RAPGEF2: variants seen among roughly 807,000 people sequenced by gnomAD.
The protein encoded by RAPGEF2 is Rap guanine nucleotide exchange factor 2, also known as PDZ domain containing guanine nucleotide exchange factor (GEF) 1.
In RAPGEF2, 54 loss-of-function variants were observed where a neutral mutation model predicts 186.7. That is an observed-to-expected ratio of 0.29 (90% CI 0.23 to 0.36). The LOEUF is 0.36. Among genes scored for constraint, RAPGEF2 ranks in the 10% least tolerant of loss-of-function variants. The pLI is 1.00. For synonymous variants in RAPGEF2, 712 were observed against 705.9 expected, an observed-to-expected ratio of 1.01 and a Z score of -0.14; for missense variants, 1,532 against 2,045.0, an observed-to-expected ratio of 0.75 and a Z score of 4.84.
intron 7 of RAPGEF2, among the ~76,000 whole-genome samples, chr4:159,249,265 G>C (rs1158503256): frequency 1.4e-5 from 2 of 145,782 alleles, no homozygotes; most frequent in Non-Finnish European, 3.0e-5. Flanking sequence ...AGAGCTACAT[G>C]CTGATTTTAA....
At chr4:159,277,518 T>C (rs1195989640) in intron 7 of RAPGEF2, among the ~76,000 whole-genome samples, 1 of 152,214 alleles carries the variant, frequency 6.6e-6, no homozygotes, top group Admixed American at 6.5e-5. Context: ...TCCACAATGG[T>C]TGAACTAGTT....
rs554261665 is a variant in RAPGEF2 at position 159,174,882 on chromosome 4, C to T, written c.70-11760C>T. Among the ~76,000 whole-genome samples the T allele has an allele frequency of 2.6e-5, 4 of 152,062 alleles. No individual in the cohort carries two copies. The South Asian group carries it at 8.3e-4, about 32-fold the overall frequency. On this transcript the variant is annotated intron_variant, in intron 1 of 29. Transcript: ENST00000691494. ...AGTGATTCTCCTACCTCAGCTTCTCCAGTAACTGGGACCACAGGTGCTCGT... is the reference window on the plus strand; with the variant it reads ...AGTGATTCTCCTACCTCAGCTTCTCTAGTAACTGGGACCACAGGTGCTCGT...
chr4:159,146,347 A>C (rs1242243889), intron 1 of RAPGEF2, among the ~76,000 whole-genome samples: 1 of 151,418 alleles, frequency 6.6e-6, no homozygotes, highest in Non-Finnish European at 1.5e-5. Flanking sequence ...TTTAAAAAGC[A>C]TGTAAGCTTT....
At chr4:159,154,519 T>TAAA (rs60579601) in intron 1 of RAPGEF2, among the ~76,000 whole-genome samples, 11 of 148,384 alleles carry the variant, frequency 7.4e-5, no homozygotes, top group Non-Finnish European at 1.5e-4. Flanking sequence ...TTTTTTTTTT[T>TAAA]AAAAAAAACA....
intron 1 of RAPGEF2, among the ~76,000 whole-genome samples, chr4:159,165,180 T>C (rs945830157): frequency 5.9e-5 from 9 of 152,208 alleles, no homozygotes; most frequent in African/African-American, 4.8e-5. Flanking sequence ...TCCAGCTGTT[T>C]TGTTGAACTG....
intron 11 of RAPGEF2, among the ~76,000 whole-genome samples, chr4:159,325,996 G>T (rs934636335): frequency 1.3e-5 from 2 of 152,050 alleles, no homozygotes; most frequent in Non-Finnish European, 2.9e-5. Context: ...TCAAGGGTGA[G>T]GTACCTGCTA....
In RAPGEF2 at chr4:159,120,162, G is replaced by A. The variant is rs539543732; in HGVS notation, c.69+15931G>A. 2.0e-5 allele frequency among the ~76,000 whole-genome samples: 3 copies of A among 152,284 alleles called. No homozygotes were observed. The East Asian group carries it at 5.8e-4, about 29-fold the overall frequency. The stretch of plus-strand genomic sequence containing the variant: ...AGCCTCCTGAGTAGCTGGGATTACA[G>A]GTGTATGCCACCACACCTGGCTAAT... On this transcript the variant is annotated intron_variant, in intron 1 of 29. Coordinates refer to ENST00000691494, the MANE Select transcript of RAPGEF2 (RefSeq NM_001394067.2).
At chr4:159,283,674 G>A (rs1362482675) in intron 7 of RAPGEF2, among the ~76,000 whole-genome samples, 2 of 151,932 alleles carry the variant, frequency 1.3e-5, no homozygotes, top group African/African-American at 2.4e-5. Context: ...CAAGAAGAAA[G>A]CAAATAAGTT....
intron 25 of RAPGEF2, 83 bp from the exon 26 acceptor site, chr4:159,350,054 C>A: frequency 1.1e-6 from 1 of 916,378 alleles, no homozygotes; most frequent in Non-Finnish European, 1.6e-6. Flanking sequence ...TAAATCTTAA[C>A]ACAAAAAAGT....
intron 1 of RAPGEF2, among the ~76,000 whole-genome samples, chr4:159,174,753 T>C (rs1746279423): frequency 8.7e-6 from 1 of 114,840 alleles, no homozygotes; most frequent in Non-Finnish European, 1.7e-5. Context: ...ATGTCTTTTC[T>C]TTCTTTCTTT....
At chr4:159,243,247 TGTG>T (rs944614737) in intron 6 of RAPGEF2, among the ~76,000 whole-genome samples, 1 of 151,604 alleles carries the variant, frequency 6.6e-6, no homozygotes, top group Non-Finnish European at 1.5e-5. Flanking sequence ...ATGTGTGACA[TGTG>T]GTATTAATTT....
At chr4:159,323,745 G>A (rs1364892612) in intron 11 of RAPGEF2, 128 bp downstream of exon 11, 18 of 461,452 alleles carry the variant, frequency 3.9e-5, no homozygotes, top group Non-Finnish European at 2.2e-5. Flanking sequence ...TTGAGACAGA[G>A]TATTGTTCTG....
intron 17 of RAPGEF2, among the ~76,000 whole-genome samples, chr4:159,334,303 G>A (rs1422324555): frequency 6.6e-6 from 1 of 152,158 alleles, no homozygotes; most frequent in Non-Finnish European, 1.5e-5. Context: ...AGGCTGGAGT[G>A]CAATTGCTGT....
At position 159,104,255 on chromosome 4, in the gene RAPGEF2, C is replaced by G. The variant is rs772877253; in HGVS notation, c.69+24C>G. ...AGGTGAGAACGCGGCGGCCGCCTGC[C>G]CTTGGCCGGATTTCTGCCTCGCAGG... On this transcript the variant is annotated intron_variant, in intron 1 of 29. Transcript: ENST00000691494. 5.1e-6 allele frequency: 6 copies of G among 1,168,744 alleles called. No individual in the cohort carries two copies. In the African/African-American group the frequency reaches 8.5e-5, roughly 17 times the overall value. 72.4% of individuals were successfully genotyped at this position (1,168,744 alleles called of 1,614,324 possible). A position where few individuals can be genotyped will look rare whatever the true frequency, so the allele number is the denominator to read the frequency against.
At chr4:159,349,392 TTCC>T (rs1384626233) in intron 25 of RAPGEF2, among the ~76,000 whole-genome samples, 1 of 152,226 alleles carries the variant, frequency 6.6e-6, no homozygotes, top group Non-Finnish European at 1.5e-5. Flanking sequence ...TCAGTGTAAC[TTCC>T]TCATTTATGA....
chr4:159,104,360 A>C, intron 1 of RAPGEF2, 129 bp downstream of exon 1: 3 of 425,074 alleles, frequency 7.1e-6, no homozygotes, highest in Non-Finnish European at 1.3e-5. Flanking sequence ...AGGACCCCCA[A>C]CTTCCAAAGG....
At chr4:159,110,123 A>G (rs1738327095) in intron 1 of RAPGEF2, among the ~76,000 whole-genome samples, 1 of 152,218 alleles carries the variant, frequency 6.6e-6, no homozygotes, top group African/African-American at 2.4e-5. Flanking sequence ...CAGCCTAATT[A>G]TGGCACAGGA....
At chr4:159,281,733 A>C (rs1759748465) in intron 7 of RAPGEF2, among the ~76,000 whole-genome samples, 1 of 151,942 alleles carries the variant, frequency 6.6e-6, no homozygotes, top group Admixed American at 6.6e-5. Flanking sequence ...GTAATAATTA[A>C]AATTATTTTA....
intron 1 of RAPGEF2, among the ~76,000 whole-genome samples, chr4:159,115,798 G>A (rs958291881): frequency 2.0e-5 from 3 of 152,190 alleles, no homozygotes; most frequent in African/African-American, 7.2e-5. Context: ...ACAACCATCT[G>A]ATCTTTGACA....
Sources: gnomAD v4.1 joint callset for allele counts (sites outside exome capture counted in the v4.1 genomes callset) on GRCh38, gnomAD v4.1.1 for gene constraint, MANE v1.5 for transcripts, NCBI Gene and HGNC (gene_info 2026-07-23, HGNC 2026-07-21) for gene names.